Variants in FOXRED1 observed in about 807,000 individuals in gnomAD.
FOXRED1 encodes the protein FAD dependent oxidoreductase domain containing 1.
FOXRED1 carries 52 observed loss-of-function variants against 57.8 expected under a neutral mutation model. The observed-to-expected ratio is 0.90, with a 90% CI of 0.72 to 1.13. The LOEUF (loss-of-function observed/expected upper bound fraction) is 1.13, where lower values mean the gene tolerates loss of function less well. Ranked by LOEUF, FOXRED1 falls within the 50% of genes most tolerant of loss-of-function variation. FOXRED1 has a pLI of 0.00. For synonymous variants in FOXRED1, 271 were observed against 248.3 expected (o/e 1.09, Z -0.86); for missense variants, 589 against 625.2 (o/e 0.94, Z 0.62).
chr11:126,276,595 GC>G, intron 9 of FOXRED1, 72 bp downstream of exon 9: 2 of 1,533,152 alleles, frequency 1.3e-6, no homozygotes, highest in Non-Finnish European at 1.8e-6. Flanking sequence ...CAGGCTTTTG[GC>G]CAGGCACAGT....
chr11:126,276,233 G>A lies in FOXRED1; in HGVS notation c.971+14G>A, dbSNP rs753379714. 13 of 1,586,578 alleles carry A rather than the reference G, an allele frequency of 8.2e-6. No individual in the cohort carries two copies. Among genetic ancestry groups the A allele is most frequent in the Middle Eastern group, 3.3e-4 (2 of 5,980 alleles). On this transcript the variant is annotated intron_variant, in intron 8 of 10. Coordinates refer to ENST00000263578, the MANE Select transcript of FOXRED1 (RefSeq NM_017547.4). Reference sequence around the variant, plus strand: ...GCCGAGGAAAAGGTAACTGCCCTCCGGACAGCTGAGGAGGTTGGTGAGAAA... The same window carrying A: ...GCCGAGGAAAAGGTAACTGCCCTCCAGACAGCTGAGGAGGTTGGTGAGAAA...
chr11:126,269,339 A>C, intron 1 of FOXRED1, 48 bp downstream of exon 1: 1 of 1,613,540 alleles, frequency 6.2e-7, no homozygotes, highest in Non-Finnish European at 8.5e-7. Flanking sequence ...GTTGTCCCCA[A>C]CCTCCGACTG....
In FOXRED1 at chr11:126,271,579, G is replaced by T; in HGVS notation, c.228G>T (p.Leu76Phe). 1 of 1,614,222 alleles carries T rather than the reference G, an allele frequency of 6.2e-7. No homozygotes were observed. The highest frequency in any genetic ancestry group is 8.5e-7 in the Non-Finnish European group (1 of 1,180,048). The change falls in exon 2 of 11, where the codon TTG becomes TTT. Residue 76 changes from leucine (L) to phenylalanine (F), a missense_variant. By Grantham distance (22) the Leu-to-Phe change is conservative (BLOSUM62 0). Transcript: ENST00000263578. This position sits in a 1 kb window ranked among gnomAD's most constrained non-coding sequence, Gnocchi z 5.3. Reference sequence around the variant, plus strand: ...TCGTGGGAGGTGGGGTGCTTGGCTTGTCTGTGGCCTATTGGCTGAAGAAGC... The same window carrying T: ...TCGTGGGAGGTGGGGTGCTTGGCTTTTCTGTGGCCTATTGGCTGAAGAAGC... ...VVIVGGGVLG[L>F]SVAYWLKKLE... is the part of the protein sequence containing the mutation.
In FOXRED1 at chr11:126,271,382, C is replaced by G; in HGVS notation, c.86-55C>G. ...TTTTCCTGTGCCCATCCTCCAACCCCCCAACCATGTGGGAAGGAAATGTTT... is the reference window on the plus strand; with the variant it reads ...TTTTCCTGTGCCCATCCTCCAACCCGCCAACCATGTGGGAAGGAAATGTTT... On this transcript the variant is annotated intron_variant, in intron 1 of 10. Transcript: ENST00000263578. This position sits in a 1 kb window ranked among gnomAD's most constrained non-coding sequence, Gnocchi z 5.3. 7.4e-7 allele frequency: 1 copy of G among 1,356,840 alleles called. No homozygotes were observed. The highest frequency in any genetic ancestry group is 2.3e-5 in the East Asian group (1 of 43,732). 84.1% of individuals were successfully genotyped at this position (1,356,840 alleles called of 1,614,324 possible).
At position 126,271,495 on chromosome 11, in the gene FOXRED1, G is replaced by C; in HGVS notation, c.144G>C (p.Arg48Ser). 6.2e-7 allele frequency: 1 copy of C among 1,614,222 alleles called. No homozygotes were observed. Among genetic ancestry groups the C allele is most frequent in the Non-Finnish European group, 8.5e-7 (1 of 1,180,018 alleles). The change falls in exon 2 of 11, where the codon AGG becomes AGC. Residue 48 changes from arginine to serine, a missense_variant. Physicochemically the swap from Arg to Ser is moderately radical, Grantham distance 110. Coordinates refer to ENST00000263578, the MANE Select transcript of FOXRED1 (RefSeq NM_017547.4). The surrounding 1 kb of genome is among the most constrained non-coding windows in gnomAD (Gnocchi z 5.3). ...KKKIKSILPG[R>S]SCDLLQDTSH... ...AGATCAAGTCGATCCTGCCTGGAAGGTCCTGTGATCTACTGCAAGACACCA... is the reference window on the plus strand; with the variant it reads ...AGATCAAGTCGATCCTGCCTGGAAGCTCCTGTGATCTACTGCAAGACACCA...
chr11:126,276,300 T>TGC, intron 8 of FOXRED1, 81 bp downstream of exon 8: 1 of 1,344,076 alleles, frequency 7.4e-7, no homozygotes, highest in Non-Finnish European at 1.0e-6. Context: ...TGTGTGTGTG[T>TGC]GTGTGTGTGT....
rs770802832 is a variant in FOXRED1, at chr11:126,276,125, G to T, written c.877G>T (p.Ala293Ser). 30 of 1,612,674 alleles carry T rather than the reference G, an allele frequency of 1.9e-5. No individual in the cohort carries two copies. Among genetic ancestry groups the T allele is most frequent in the Non-Finnish European group, 2.5e-5 (30 of 1,179,928 alleles). The stretch of plus-strand genomic sequence containing the variant: ...CGCCATTGTGATCAACGCAGCCGGA[G>T]CCTGGTCTGCGCAAATCGCAGCACT... Reference protein sequence around the residue: ...ECAIVINAAGAWSAQIAALAG... With the variant: ...ECAIVINAAGSWSAQIAALAG... Residue 293 changes from alanine to serine, a missense_variant, in exon 8 of 11, where the codon GCC (alanine) becomes TCC (serine). Ala to Ser is a moderately conservative substitution (Grantham distance 99). Coordinates refer to ENST00000263578, the MANE Select transcript of FOXRED1 (RefSeq NM_017547.4).
intron 1 of FOXRED1, among the ~76,000 whole-genome samples, chr11:126,269,713 G>T (rs1418812072): frequency 6.6e-6 from 1 of 152,152 alleles, no homozygotes; most frequent in Non-Finnish European, 1.5e-5. Context: ...CTGGATAGAG[G>T]CCGGGCGCGG....
chr11:126,270,912 G>A (rs1950969959), intron 1 of FOXRED1: 1 of 195,356 alleles, frequency 5.1e-6, no homozygotes, highest in African/African-American at 2.4e-5. Flanking sequence ...CTAGGATGAT[G>A]GTGGCAGAGG....
intron 1 of FOXRED1, among the ~76,000 whole-genome samples, chr11:126,269,909 C>T (rs1221643276): frequency 1.3e-5 from 2 of 150,916 alleles, no homozygotes; most frequent in Non-Finnish European, 2.9e-5. Context: ...ATCGCTTGAA[C>T]CCGGAAGGCG....
chr11:126,276,192 C>G lies in FOXRED1; in HGVS notation c.944C>G (p.Thr315Ser), dbSNP rs771903600. Residue 315 changes from threonine to serine, a missense_variant, in exon 8 of 11, where the codon ACC becomes AGC. Physicochemically the swap from Thr to Ser is moderately conservative, Grantham distance 58 (BLOSUM62 1). Transcript: ENST00000263578. The part of the protein sequence containing the change: ...GEGPPGTLQG[T>S]KLPVEPRKRY... ...GGGCCGCCTGGCACCCTGCAGGGCA[C>G]CAAGCTACCTGTGGAGCCGAGGAAA... is the stretch of plus-strand genomic sequence containing the variant. The G allele has an allele frequency of 3.8e-6, 6 of 1,595,756 alleles. No homozygotes were observed. The African/African-American group carries it at 8.4e-5, about 22-fold the overall frequency.
rs200008164 is a variant in FOXRED1 at position 126,277,678 on chromosome 11, A to G, written c.1450A>G (p.Asn484Asp). 2 of 1,613,582 alleles carry G rather than the reference A, an allele frequency of 1.2e-6. No individual in the cohort carries two copies. The highest frequency in any genetic ancestry group is 1.7e-6 in the Non-Finnish European group (2 of 1,180,016). ...FYLGEKIQEN[N>D]II is the part of the protein sequence containing the mutation. The stretch of plus-strand genomic sequence containing the variant: ...CTTGGGAGAGAAGATCCAGGAGAAC[A>G]ACATCATCTGAGCATGTGTGCTCTG... Residue 484 changes from asparagine (N) to aspartate (D), a missense_variant, in exon 11 of 11, where the codon AAC (asparagine) becomes GAC (aspartate). Physicochemically the swap from Asn to Asp is conservative, Grantham distance 23. Coordinates refer to ENST00000263578, the MANE Select transcript of FOXRED1 (RefSeq NM_017547.4). This position sits in a 1 kb window ranked among gnomAD's most constrained non-coding sequence, Gnocchi z 6.8.
chr11:126,273,195 AG>A lies in FOXRED1; in HGVS notation c.417+122del, dbSNP rs879515535. ...CAAGAATGGGTCAGCCAACTAGGAG[AG>A]GGGGGCCCTGGCCTTCTTCCTAGTG... On this transcript the variant is annotated intron_variant, in intron 3 of 10. Coordinates refer to ENST00000263578, the MANE Select transcript of FOXRED1 (RefSeq NM_017547.4). This position sits in a 1 kb window ranked among gnomAD's most constrained non-coding sequence, Gnocchi z 5.9. 2.0e-5 allele frequency: 19 copies of A among 945,898 alleles called. No homozygotes were observed. In the East Asian group the frequency reaches 2.1e-4, roughly 11 times the overall value. The allele number at this position is 945,898 out of a possible 1,614,324, so 58.6% of individuals were successfully genotyped here. A position where few individuals can be genotyped will look rare whatever the true frequency, so the allele number is the denominator to read the frequency against.
Position 126,271,770 on chromosome 11 carries a change from T to G in FOXRED1, c.306+113T>G. On this transcript the variant is annotated intron_variant, in intron 2 of 10. Coordinates refer to ENST00000263578, the MANE Select transcript of FOXRED1 (RefSeq NM_017547.4). This position sits in a 1 kb window ranked among gnomAD's most constrained non-coding sequence, Gnocchi z 5.3. ...AGGGGAAGACCTCAATCTCGGAGGG[T>G]CCAACGGACAGAGATTGTGCTTTGG... The G allele has an allele frequency of 1.2e-6, 1 of 862,084 alleles. No homozygotes were observed. The highest frequency in any genetic ancestry group is 1.4e-5 in the South Asian group (1 of 71,842). 53.4% of individuals were successfully genotyped at this position (862,084 alleles called of 1,614,324 possible). A position where few individuals can be genotyped will look rare whatever the true frequency, so the allele number is the denominator to read the frequency against.
At position 126,277,250 on chromosome 11, in the gene FOXRED1, C is replaced by T. The variant is rs1951179822; in HGVS notation, c.1206+75C>T. 2 of 1,206,976 alleles carry T rather than the reference C, an allele frequency of 1.7e-6. No individual in the cohort carries two copies. The highest frequency in any genetic ancestry group is 2.5e-6 in the Non-Finnish European group (2 of 811,726). 74.8% of individuals were successfully genotyped at this position (1,206,976 alleles called of 1,614,324 possible). On this transcript the variant is annotated intron_variant, in intron 10 of 10. Coordinates refer to ENST00000263578, the MANE Select transcript of FOXRED1 (RefSeq NM_017547.4). The surrounding 1 kb of genome is among the most constrained non-coding windows in gnomAD (Gnocchi z 6.8). ...ACAGATGACAGTGGAGCACATTGGTCCCCTCGGACCCGTGACTGCCGTAGT... is the reference window on the plus strand; with the variant it reads ...ACAGATGACAGTGGAGCACATTGGTTCCCTCGGACCCGTGACTGCCGTAGT...
rs1455717895 is a variant in FOXRED1 at position 126,276,219 on chromosome 11, G to T, written c.971G>T (p.Arg324Met). ...AAGCTACCTGTGGAGCCGAGGAAAAGGTAACTGCCCTCCGGACAGCTGAGG... is the reference window on the plus strand; with the variant it reads ...AAGCTACCTGTGGAGCCGAGGAAAATGTAACTGCCCTCCGGACAGCTGAGG... ...GTKLPVEPRKRYVYVWHCPQG... is the reference protein window; with the variant it reads ...GTKLPVEPRKMYVYVWHCPQG... The change falls in exon 8 of 11, where the codon AGG (arginine) becomes ATG (methionine). Residue 324 changes from arginine to methionine, a missense_variant and splice_region_variant. By Grantham distance (91) the Arg-to-Met change is moderately conservative. Transcript: ENST00000263578. The T allele has an allele frequency of 1.9e-6, 3 of 1,593,274 alleles. No homozygotes were observed. Among genetic ancestry groups the T allele is most frequent in the Admixed American group, 1.8e-5 (1 of 56,562 alleles).
rs1339640760 is a variant in FOXRED1, at chr11:126,275,977, A to G, written c.811-82A>G. 2 of 1,589,376 alleles carry G rather than the reference A, an allele frequency of 1.3e-6. No homozygotes were observed. Among genetic ancestry groups the G allele is most frequent in the Non-Finnish European group, 8.6e-7 (1 of 1,158,368 alleles). On this transcript the variant is annotated intron_variant, in intron 7 of 10. Coordinates refer to ENST00000263578, the MANE Select transcript of FOXRED1 (RefSeq NM_017547.4). The surrounding 1 kb of genome is among the most constrained non-coding windows in gnomAD (Gnocchi z 5.9). ...ACCCACTTTCCAGTATGGGTAAACTAAGGCTCAGGAAGCAGTGCATCTCTC... is the reference window on the plus strand; with the variant it reads ...ACCCACTTTCCAGTATGGGTAAACTGAGGCTCAGGAAGCAGTGCATCTCTC...
At position 126,273,031 on chromosome 11, in the gene FOXRED1, G is replaced by A. The variant is rs1252949872; in HGVS notation, c.369G>A (p.Glu123=). 6.2e-6 allele frequency: 10 copies of A among 1,608,458 alleles called. No homozygotes were observed. The highest frequency in any genetic ancestry group is 1.7e-4 in the Middle Eastern group (1 of 6,050). Residue 123 remains glutamate, a synonymous_variant, in exon 3 of 11, where the codon GAG becomes GAA. Coordinates refer to ENST00000263578, the MANE Select transcript of FOXRED1 (RefSeq NM_017547.4). The surrounding 1 kb of genome is among the most constrained non-coding windows in gnomAD (Gnocchi z 5.9). ...GGICQQFSLP[E]NIQLSLFSAS... is the part of the protein sequence containing the mutation. ...TTTGTCAGCAGTTCTCATTGCCTGA[G>A]AACATCCAGCTCTCCCTCTTTTCAG... is the stretch of plus-strand genomic sequence containing the variant.
At position 126,275,791 on chromosome 11, in the gene FOXRED1, C is replaced by T; in HGVS notation, c.734-3C>T. 6.2e-7 allele frequency: 1 copy of T among 1,603,540 alleles called. No homozygotes were observed. The highest frequency in any genetic ancestry group is 1.7e-5 in the Admixed American group (1 of 59,990). On this transcript the variant is annotated splice_polypyrimidine_tract_variant and splice_region_variant and intron_variant, in intron 6 of 10. Coordinates refer to ENST00000263578, the MANE Select transcript of FOXRED1 (RefSeq NM_017547.4). The surrounding 1 kb of genome is among the most constrained non-coding windows in gnomAD (Gnocchi z 5.9). Reference sequence around the variant, plus strand: ...GGCCTATTTTTCATTTTCTTCTCTGCAGGTTTTGTCTCTTCATCTCAACGC... The same window carrying T: ...GGCCTATTTTTCATTTTCTTCTCTGTAGGTTTTGTCTCTTCATCTCAACGC...
Sources: allele counts gnomAD v4.1 joint callset (sites outside exome capture counted in the v4.1 genomes callset), GRCh38; gene constraint gnomAD v4.1.1; non-coding constraint Gnocchi (gnomAD v3.1); transcripts MANE v1.5; gene names NCBI Gene and HGNC (gene_info 2026-07-23, HGNC 2026-07-21).